The following CMTM7 variants were observed in gnomAD, a reference collection of about 807,000 sequenced individuals.
The protein encoded by CMTM7 is CKLF like MARVEL transmembrane domain containing 7.
CMTM7 carries 7 observed loss-of-function variants against 19.3 expected under a neutral mutation model. That is an observed-to-expected ratio of 0.36 (90% CI 0.21 to 0.68). The LOEUF is 0.68. Ranked by LOEUF, CMTM7 falls within the 30% of genes least tolerant of loss-of-function variation. The probability of loss-of-function intolerance (pLI) is 0.60; values close to 1 mark genes in which losing one functional copy is unlikely to be tolerated. For synonymous variants in CMTM7, 87 were observed against 99.3 expected (o/e 0.88, Z 0.74); for missense variants, 193 against 232.6 (o/e 0.83, Z 1.11).
chr3:32,403,058 G>A (rs1323011048), intron 1 of CMTM7, among the ~76,000 whole-genome samples: 1 of 152,086 alleles, frequency 6.6e-6, no homozygotes, highest in East Asian at 1.9e-4. Flanking sequence ...AGAAGCCAGC[G>A]TCAGCTCTCA....
chr3:32,446,358 T>C (rs986734640), intron 2 of CMTM7, among the ~76,000 whole-genome samples: 3 of 152,204 alleles, frequency 2.0e-5, no homozygotes, highest in African/African-American at 7.2e-5. Flanking sequence ...GTTTCCTCTT[T>C]CGTTTGCATC....
intron 1 of CMTM7, among the ~76,000 whole-genome samples, chr3:32,404,020 T>C (rs989952313): frequency 3.9e-5 from 6 of 152,326 alleles, no homozygotes; most frequent in South Asian, 4.1e-4. Flanking sequence ...ATCTTCATTT[T>C]TATTTCTAAG....
intron 2 of CMTM7, among the ~76,000 whole-genome samples, chr3:32,443,653 C>CA: frequency 6.6e-6 from 1 of 152,170 alleles, no homozygotes; most frequent in Admixed American, 6.5e-5. Flanking sequence ...GACTGTATGC[C>CA]AAAGTGGCTC....
chr3:32,432,787 C>T (rs941486916), intron 1 of CMTM7, among the ~76,000 whole-genome samples: 1 of 152,162 alleles, frequency 6.6e-6, no homozygotes, highest in African/African-American at 2.4e-5. Context: ...CTCTTCTTGT[C>T]ATCCTAGGAT....
intron 1 of CMTM7, among the ~76,000 whole-genome samples, chr3:32,404,186 A>T: frequency 8.2e-6 from 1 of 121,226 alleles, no homozygotes; most frequent in South Asian, 2.4e-4. Context: ...TTGGAGACAG[A>T]GTCTCACTCT....
At chr3:32,415,470 T>C (rs1314208145) in intron 1 of CMTM7, among the ~76,000 whole-genome samples, 1 of 152,230 alleles carries the variant, frequency 6.6e-6, no homozygotes, top group Non-Finnish European at 1.5e-5. Flanking sequence ...GATTAAGTAC[T>C]TTCTTTCATG....
chr3:32,426,385 A>G (rs1235581257), intron 1 of CMTM7, among the ~76,000 whole-genome samples: 1 of 152,236 alleles, frequency 6.6e-6, no homozygotes, highest in Non-Finnish European at 1.5e-5. Context: ...ATTTAAAGCT[A>G]CATTTTTCAT....
chr3:32,424,852 C>G (rs1489881389), intron 1 of CMTM7, among the ~76,000 whole-genome samples: 5 of 152,100 alleles, frequency 3.3e-5, no homozygotes. Flanking sequence ...TGCCGTGTTG[C>G]CCAGGCTGGT....
intron 2 of CMTM7, 110 bp downstream of exon 2, chr3:32,442,123 T>C (rs113833044): frequency 1.0e-6 from 1 of 972,608 alleles, no homozygotes. Context: ...TCTTTAACCA[T>C]TCTTTGCTGC....
chr3:32,398,975 G>A lies in CMTM7; in HGVS notation c.159+6910G>A, dbSNP rs1695959364. On this transcript the variant is annotated intron_variant, in intron 1 of 4. Coordinates refer to ENST00000334983, the MANE Select transcript of CMTM7 (RefSeq NM_138410.4). Reference sequence around the variant, plus strand: ...AGCCTAGGTGACAGAACAAGACCCTGTCCTCCCATCCCCCCAAAAAGAAAA... The same window carrying A: ...AGCCTAGGTGACAGAACAAGACCCTATCCTCCCATCCCCCCAAAAAGAAAA... Among the ~76,000 whole-genome samples, 7 of 152,028 alleles carry A rather than the reference G, an allele frequency of 4.6e-5. No homozygotes were observed. In the South Asian group the frequency reaches 1.4e-3, roughly 31 times the overall value.
intron 1 of CMTM7, among the ~76,000 whole-genome samples, chr3:32,401,297 C>T (rs919496065): frequency 6.6e-6 from 1 of 152,216 alleles, no homozygotes; most frequent in African/African-American, 2.4e-5. Context: ...AATTCCCATC[C>T]AGGACACCTC....
At chr3:32,429,994 C>T (rs1025673014) in intron 1 of CMTM7, among the ~76,000 whole-genome samples, 1 of 152,162 alleles carries the variant, frequency 6.6e-6, no homozygotes, top group African/African-American at 2.4e-5. Context: ...ACCTGTCACC[C>T]GACTACAACA....
At chr3:32,422,331 G>C (rs1157450683) in intron 1 of CMTM7, among the ~76,000 whole-genome samples, 1 of 152,230 alleles carries the variant, frequency 6.6e-6, no homozygotes, top group East Asian at 1.9e-4. Flanking sequence ...AAACTCAACA[G>C]GCACTCACTT....
intron 1 of CMTM7, among the ~76,000 whole-genome samples, chr3:32,437,401 A>G (rs919330742): frequency 2.6e-5 from 4 of 152,124 alleles, no homozygotes; most frequent in African/African-American, 9.7e-5. Flanking sequence ...GTTCGAGACC[A>G]GCCTGACCAA....
chr3:32,425,653 A>C (rs1575117819), intron 1 of CMTM7, among the ~76,000 whole-genome samples: 1 of 152,110 alleles, frequency 6.6e-6, no homozygotes, highest in Admixed American at 6.5e-5. Flanking sequence ...AATCTGTTGT[A>C]TATATAGTAC....
At chr3:32,403,526 T>C (rs1696041433) in intron 1 of CMTM7, among the ~76,000 whole-genome samples, 1 of 152,202 alleles carries the variant, frequency 6.6e-6, no homozygotes, top group African/African-American at 2.4e-5. Context: ...TAGGTGTTTT[T>C]TATATGTGTT....
chr3:32,430,201 C>T (rs910758345), intron 1 of CMTM7, among the ~76,000 whole-genome samples: 1 of 152,204 alleles, frequency 6.6e-6, no homozygotes, highest in African/African-American at 2.4e-5. Context: ...TCACACCCCC[C>T]CCAAAAGATC....
intron 1 of CMTM7, among the ~76,000 whole-genome samples, chr3:32,431,304 T>C (rs1696514993): frequency 6.6e-6 from 1 of 152,244 alleles, no homozygotes; most frequent in South Asian, 2.1e-4. Flanking sequence ...GAGGTGGTTA[T>C]CTCTGAGGAG....
At chr3:32,443,711 A>G (rs556489034) in intron 2 of CMTM7, among the ~76,000 whole-genome samples, 10 of 152,300 alleles carry the variant, frequency 6.6e-5, no homozygotes, top group African/African-American at 1.4e-4. Context: ...CAGTTTCACA[A>G]CATCTTTGCC....
Sources: gnomAD v4.1 joint callset for allele counts (sites outside exome capture counted in the v4.1 genomes callset) on GRCh38, gnomAD v4.1.1 for gene constraint, MANE v1.5 for transcripts, NCBI Gene and HGNC (gene_info 2026-07-23, HGNC 2026-07-21) for gene names.